Variants in SLC16A14 observed in about 807,000 individuals in gnomAD.
SLC16A14 encodes monocarboxylate transporter 14.
Under a neutral mutation model 35.8 loss-of-function variants are expected in SLC16A14, and 14 were observed. The ratio of observed to expected loss-of-function variants is 0.39; its 90% CI spans 0.26 to 0.61. SLC16A14 has a LOEUF of 0.61. SLC16A14 is among the 20% of genes least tolerant of loss of function. The probability of loss-of-function intolerance (pLI) is 0.51; values close to 1 mark genes in which losing one functional copy is unlikely to be tolerated. For missense variants in SLC16A14, 533 were observed against 655.0 expected, an observed-to-expected ratio of 0.81 and a Z score of 2.03; for synonymous variants, 248 against 258.9, an observed-to-expected ratio of 0.96 and a Z score of 0.40.
At chr2:230,060,100 A>C (rs1186700334) in intron 1 of SLC16A14, among the ~76,000 whole-genome samples, 2 of 152,232 alleles carry the variant, frequency 1.3e-5, no homozygotes, top group African/African-American at 4.8e-5. Context: ...AAAATAGGGT[A>C]TCAGACTAAG....
At chr2:230,054,180 T>C (rs1362542485) in intron 2 of SLC16A14, among the ~76,000 whole-genome samples, 3 of 152,078 alleles carry the variant, frequency 2.0e-5, no homozygotes, top group East Asian at 3.9e-4. Flanking sequence ...ATTTATCTTG[T>C]GTAGCCTGTG....
intron 3 of SLC16A14, among the ~76,000 whole-genome samples, chr2:230,048,923 C>CA (rs748042264): frequency 0.064 from 973 of 15,210 alleles, 74 homozygotes; most frequent in African/African-American, 0.22. Flanking sequence ...AACTCCATCT[C>CA]AAAAAAAAAA....
chr2:230,044,941 G>A (rs530790793), intron 4 of SLC16A14, among the ~76,000 whole-genome samples: 8 of 152,200 alleles, frequency 5.3e-5, no homozygotes, highest in African/African-American at 9.6e-5. Flanking sequence ...AATAGGAAGC[G>A]AATGTAGGGC....
At chr2:230,059,901 G>C (rs2077737665) in intron 1 of SLC16A14, among the ~76,000 whole-genome samples, 1 of 152,092 alleles carries the variant, frequency 6.6e-6, no homozygotes, top group Non-Finnish European at 1.5e-5. Flanking sequence ...AGCCTCAGGG[G>C]GTCTGGCTCA....
intron 1 of SLC16A14, among the ~76,000 whole-genome samples, chr2:230,062,011 G>T (rs543392593): frequency 3.3e-5 from 5 of 152,242 alleles, no homozygotes; most frequent in Admixed American, 2.0e-4. Flanking sequence ...AAAGTGCTGG[G>T]ATTACAGGCA....
intron 2 of SLC16A14, among the ~76,000 whole-genome samples, chr2:230,056,998 G>C: frequency 6.6e-6 from 1 of 151,212 alleles, no homozygotes; most frequent in African/African-American, 2.4e-5. Flanking sequence ...ATTCCAATCA[G>C]ACACACATTG....
intron 1 of SLC16A14, among the ~76,000 whole-genome samples, chr2:230,064,669 G>A (rs1205164760): frequency 2.6e-5 from 4 of 152,216 alleles, no homozygotes; most frequent in East Asian, 1.9e-4. Context: ...TTTTCCTGAA[G>A]TTCATTTACA....
rs757859434 is a variant in SLC16A14 at position 230,046,046 on chromosome 2, T to A, written c.1080A>T (p.Ala360=). The change falls in exon 4 of 5, where the codon GCA becomes GCT. Residue 360 remains alanine (A), a synonymous_variant. Transcript: ENST00000295190. This position sits in a 1 kb window ranked among gnomAD's most constrained non-coding sequence, Gnocchi z 5.0. ...TCACTTTTCCAAAGATGTGAACTAT[T>A]GCTATAATTGACGTCAGAGGGAAAA... The part of the protein sequence containing the change: ...NDVFPLTSII[A]IVHIFGKVIL... 6.2e-7 allele frequency: 1 copy of A among 1,614,174 alleles called. No individual in the cohort carries two copies. Among genetic ancestry groups the A allele is most frequent in the Non-Finnish European group, 8.5e-7 (1 of 1,179,990 alleles).
rs2077608678 is a variant in SLC16A14 at position 230,046,506 on chromosome 2, G to T, written c.620C>A (p.Ala207Glu). 6.2e-7 allele frequency: 1 copy of T among 1,614,144 alleles called. No individual in the cohort carries two copies. The highest frequency in any genetic ancestry group is 1.3e-5 in the African/African-American group (1 of 75,054). ...AVSLNLCVCG[A>E]LMRPLSPGKN... Reference sequence around the variant, plus strand: ...ACCAGGAGAGAGGGGCCTCATGAGCGCCCCACAAACACACAGGTTTAGGGA... The same window carrying T: ...ACCAGGAGAGAGGGGCCTCATGAGCTCCCCACAAACACACAGGTTTAGGGA... The change falls in exon 4 of 5, where the codon GCG becomes GAG. Residue 207 changes from alanine to glutamate, a missense_variant. Coordinates refer to ENST00000295190, the MANE Select transcript of SLC16A14 (RefSeq NM_152527.5). This position sits in a 1 kb window ranked among gnomAD's most constrained non-coding sequence, Gnocchi z 5.0.
At chr2:230,043,718 C>G (rs2106246839) in intron 4 of SLC16A14, among the ~76,000 whole-genome samples, 1 of 152,370 alleles carries the variant, frequency 6.6e-6, no homozygotes, top group South Asian at 2.1e-4. Flanking sequence ...GCATTCTGCC[C>G]CAGCCTCTGC....
chr2:230,043,323 T>C (rs2077574875), intron 4 of SLC16A14, among the ~76,000 whole-genome samples: 1 of 152,224 alleles, frequency 6.6e-6, no homozygotes, highest in African/African-American at 2.4e-5. Context: ...CAAAAATCTA[T>C]GATTTCTTGT....
In SLC16A14 at chr2:230,068,853, T is replaced by A. The variant is rs556348896; in HGVS notation, c.-313A>T. 9.8e-5 allele frequency: 15 copies of A among 152,470 alleles called. No homozygotes were observed. The South Asian group carries it at 3.1e-3, about 32-fold the overall frequency. The allele number at this position is 152,470 out of a possible 1,614,324, so 9.4% of individuals were successfully genotyped here. ...GGGTGCGTTTGGAGGTGCCCAAACC[T>A]AACCTGGGCTTCCTTCCAATCGGAG... On this transcript the variant is annotated 5_prime_UTR_variant, in exon 1 of 5. It removes the in-frame stop codon of an upstream open reading frame in the 5' UTR. Coordinates refer to ENST00000295190, the MANE Select transcript of SLC16A14 (RefSeq NM_152527.5). This position sits in a 1 kb window ranked among gnomAD's most constrained non-coding sequence, Gnocchi z 5.1.
rs1269765776 is a variant in SLC16A14 at position 230,067,571 on chromosome 2, T to TCTCTCTCTCTCA, written c.-15+983_-15+984insTGAGAGAGAGAG. Among the ~76,000 whole-genome samples, 96 of 143,782 alleles carry TCTCTCTCTCTCA rather than the reference T, an allele frequency of 6.7e-4. 2 individuals are homozygous for TCTCTCTCTCTCA. Among genetic ancestry groups the TCTCTCTCTCTCA allele is most frequent in the African/African-American group, 2.6e-3 (95 of 36,048 alleles). The allele number at this position is 143,782 out of a possible 152,430, so 94.3% of individuals were successfully genotyped here. A position where few individuals can be genotyped will look rare whatever the true frequency, so the allele number is the denominator to read the frequency against. ...CTCTCTCTCTCTCTCTCTCTCTCTC[T>TCTCTCTCTCTCA]CACACACACACACACAGCCGCACAC... is the stretch of plus-strand genomic sequence containing the variant. On this transcript the variant is annotated intron_variant, in intron 1 of 4. Coordinates refer to ENST00000295190, the MANE Select transcript of SLC16A14 (RefSeq NM_152527.5).
intron 2 of SLC16A14, among the ~76,000 whole-genome samples, chr2:230,050,932 T>C (rs1560476698): frequency 6.6e-6 from 1 of 152,148 alleles, no homozygotes. Context: ...ATAGCCTGTT[T>C]TCATGAGGAT....
At position 230,059,076 on chromosome 2, in the gene SLC16A14, G is replaced by C; in HGVS notation, c.259+18C>G. 6.4e-7 allele frequency: 1 copy of C among 1,572,170 alleles called. No individual in the cohort carries two copies. Among genetic ancestry groups the C allele is most frequent in the African/African-American group, 1.4e-5 (1 of 73,488 alleles). Reference sequence around the variant, plus strand: ...TTGATAACGATTCAGTTTTACGACAGGTCACACATGAACATACCCACTATC... The same window carrying C: ...TTGATAACGATTCAGTTTTACGACACGTCACACATGAACATACCCACTATC... On this transcript the variant is annotated intron_variant, in intron 2 of 4. Coordinates refer to ENST00000295190, the MANE Select transcript of SLC16A14 (RefSeq NM_152527.5).
intron 4 of SLC16A14, among the ~76,000 whole-genome samples, chr2:230,044,798 TG>T (rs1379134099): frequency 6.7e-6 from 1 of 150,058 alleles, no homozygotes; most frequent in Non-Finnish European, 1.5e-5. Flanking sequence ...AGGCTGGTCT[TG>T]AACTCCTGAG....
chr2:230,047,740 T>C (rs888687802), intron 3 of SLC16A14, among the ~76,000 whole-genome samples: 10 of 152,268 alleles, frequency 6.6e-5, no homozygotes, highest in Non-Finnish European at 1.0e-4. Context: ...TTAAATGTTC[T>C]CATCACAAGT....
intron 2 of SLC16A14, among the ~76,000 whole-genome samples, chr2:230,050,218 C>T (rs2077648192): frequency 6.6e-6 from 1 of 152,152 alleles, no homozygotes; most frequent in Non-Finnish European, 1.5e-5. Flanking sequence ...CGATCCCATA[C>T]AAAGTCTAAA....
intron 1 of SLC16A14, chr2:230,066,638 ATTT>A (rs10626276): frequency 3.4e-4 from 130 of 377,420 alleles, no homozygotes; most frequent in Admixed American, 8.4e-4. Context: ...CAAGCAAGTC[ATTT>A]TTTTTTTTTT....
Sources: gnomAD v4.1 joint callset for allele counts (sites outside exome capture counted in the v4.1 genomes callset) on GRCh38, gnomAD v4.1.1 for gene constraint, Gnocchi (gnomAD v3.1) non-coding constraint, MANE v1.5 for transcripts, NCBI Gene and HGNC (gene_info 2026-07-23, HGNC 2026-07-21) for gene names.